CD38: variants seen among roughly 807,000 people sequenced by gnomAD.
The protein encoded by CD38 is CD38 molecule.
Under a neutral mutation model 36.3 loss-of-function variants are expected in CD38, and 31 were observed. That is an observed-to-expected ratio of 0.85 (90% CI 0.64 to 1.15). CD38 has a LOEUF of 1.15. CD38 is among the 50% of genes most tolerant of loss of function. CD38 has a pLI of 0.00. For synonymous variants in CD38, 131 were observed against 135.2 expected, an observed-to-expected ratio of 0.97 and a Z score of 0.22; for missense variants, 380 against 371.9, an observed-to-expected ratio of 1.02 and a Z score of -0.18.
chr4:15,812,705 A>G (rs1357874401), intron 1 of CD38, among the ~76,000 whole-genome samples: 1 of 152,170 alleles, frequency 6.6e-6, no homozygotes, highest in Non-Finnish European at 1.5e-5. Context: ...GTCTCAAAAA[A>G]ACAAAAACAA....
At chr4:15,791,350 G>A (rs1238798128) in intron 1 of CD38, among the ~76,000 whole-genome samples, 1 of 55,948 alleles carries the variant, frequency 1.8e-5, no homozygotes, top group Non-Finnish European at 3.2e-5. Flanking sequence ...GGAGGGAGGT[G>A]GTGGGGGTCA....
At chr4:15,835,897 G>A (rs1344622720) in intron 4 of CD38, among the ~76,000 whole-genome samples, 1 of 151,996 alleles carries the variant, frequency 6.6e-6, no homozygotes. Context: ...AGCTACCTGT[G>A]TATATTTATT....
chr4:15,834,070 T>G (rs1724013416), intron 3 of CD38, 147 bp from the exon 4 acceptor site: 1 of 595,592 alleles, frequency 1.7e-6, no homozygotes, highest in East Asian at 2.8e-5. Context: ...TTAGTTAAAT[T>G]GGGTCAAAAT....
chr4:15,842,204 T>C (rs1343464668), intron 7 of CD38, among the ~76,000 whole-genome samples: 3 of 111,764 alleles, frequency 2.7e-5, no homozygotes, highest in African/African-American at 4.3e-5. Flanking sequence ...AGCACGCAGC[T>C]GGAGATCTGA....
chr4:15,803,063 A>G (rs1397708930), intron 1 of CD38, among the ~76,000 whole-genome samples: 1 of 152,192 alleles, frequency 6.6e-6, no homozygotes, highest in Admixed American at 6.5e-5. Context: ...CTTTTTCAAT[A>G]AATATTGCTG....
Position 15,848,805 on chromosome 4 carries a change from C to T in CD38, c.*203C>T, listed in dbSNP as rs1460945766. 2.4e-6 allele frequency: 1 copy of T among 415,296 alleles called. No homozygotes were observed. The highest frequency in any genetic ancestry group is 4.3e-6 in the Non-Finnish European group (1 of 232,256). 25.7% of individuals were successfully genotyped at this position (415,296 alleles called of 1,614,324 possible). A position where few individuals can be genotyped will look rare whatever the true frequency, so the allele number is the denominator to read the frequency against. On this transcript the variant is annotated 3_prime_UTR_variant, in exon 8 of 8. Transcript: ENST00000226279. ...ACCTTTATTGTGATCTATCAATAGT[C>T]AAGAAAAATTATTGTATAAGATTAG...
chr4:15,851,212 C>T lies in CD38; in HGVS notation c.*2610C>T, dbSNP rs1212053051. The T allele has an allele frequency of 6.6e-6, 1 of 152,242 alleles. No individual in the cohort carries two copies. The highest frequency in any genetic ancestry group is 6.5e-5 in the Admixed American group (1 of 15,278). The allele number at this position is 152,242 out of a possible 1,614,324, so 9.4% of individuals were successfully genotyped here. A position where few individuals can be genotyped will look rare whatever the true frequency, so the allele number is the denominator to read the frequency against. On this transcript the variant is annotated 3_prime_UTR_variant, in exon 8 of 8. Transcript: ENST00000226279. Reference sequence around the variant, plus strand: ...CATTACCACAATGCCTCATCTCTACCTCCTTTCCCCCTGTAGTTCCAACGT... The same window carrying T: ...CATTACCACAATGCCTCATCTCTACTTCCTTTCCCCCTGTAGTTCCAACGT...
In CD38 at chr4:15,809,004, T is replaced by G. The variant is rs78744308; in HGVS notation, c.234-7507T>G. The stretch of plus-strand genomic sequence containing the variant: ...AAGATGCAAATTCTGGCTGGGATAT[T>G]CTAGTTGTGGAGTGTTGGGCAAGTT... On this transcript the variant is annotated intron_variant, in intron 1 of 7. Transcript: ENST00000226279. Among the ~76,000 whole-genome samples, 684 of 152,244 alleles carry G rather than the reference T, an allele frequency of 4.5e-3. 7 individuals are homozygous for G. Among genetic ancestry groups the G allele is most frequent in the African/African-American group, 0.016 (654 of 41,534 alleles).
chr4:15,826,459 GCACACA>G (rs67475051), intron 3 of CD38, among the ~76,000 whole-genome samples: 3,234 of 146,384 alleles, frequency 0.022, 53 homozygotes, highest in African/African-American at 0.045. Flanking sequence ...ACTTTTGTGC[GCACACA>G]CACACACACA....
chr4:15,788,675 A>G (rs1432524992), intron 1 of CD38, among the ~76,000 whole-genome samples: 2 of 152,224 alleles, frequency 1.3e-5, no homozygotes, highest in Non-Finnish European at 2.9e-5. Flanking sequence ...CGAATAGTGA[A>G]TAGGCAAGAG....
Position 15,848,637 on chromosome 4 carries a change from C to G in CD38, c.*35C>G, listed in dbSNP as rs1173950402. 2 of 1,571,434 alleles carry G rather than the reference C, an allele frequency of 1.3e-6. No homozygotes were observed. ...TGTGGTTGTTTTAGCTCCTTGACTC[C>G]TTGTGGTTTATGTCATCATACATGA... On this transcript the variant is annotated 3_prime_UTR_variant, in exon 8 of 8. Coordinates refer to ENST00000226279, the MANE Select transcript of CD38 (RefSeq NM_001775.4).
intron 1 of CD38, among the ~76,000 whole-genome samples, chr4:15,797,716 C>G (rs1228693653): frequency 6.6e-6 from 1 of 152,178 alleles, no homozygotes. Context: ...TTCCAAGCTT[C>G]TAGTAACCTC....
chr4:15,827,722 T>C (rs1391687094), intron 3 of CD38, among the ~76,000 whole-genome samples: 3 of 152,224 alleles, frequency 2.0e-5, no homozygotes, highest in East Asian at 1.9e-4. Context: ...AATGAAATAA[T>C]TTATTTTTAA....
In CD38 at chr4:15,848,404, G is replaced by A; in HGVS notation, c.840-135G>A. On this transcript the variant is annotated intron_variant, in intron 7 of 7. Coordinates refer to ENST00000226279, the MANE Select transcript of CD38 (RefSeq NM_001775.4). ...GCTCCCCTCCCGACATGTCACTGCA[G>A]GAGAGGAGTTTATATGGATGCTAAG... The A allele has an allele frequency of 6.9e-6, 4 of 575,820 alleles. No individual in the cohort carries two copies. In the South Asian group the frequency reaches 7.1e-5, roughly 10 times the overall value. The allele number at this position is 575,820 out of a possible 1,614,324, so 35.7% of individuals were successfully genotyped here. A position where few individuals can be genotyped will look rare whatever the true frequency, so the allele number is the denominator to read the frequency against.
At chr4:15,780,039 G>A (rs957762462) in intron 1 of CD38, among the ~76,000 whole-genome samples, 2 of 152,172 alleles carry the variant, frequency 1.3e-5, no homozygotes, top group African/African-American at 4.8e-5. Flanking sequence ...AGTGAATGAC[G>A]AAGTTCTCAC....
chr4:15,820,613 G>T lies in CD38; in HGVS notation c.363+3973G>T, dbSNP rs567136159. ...AAGAAGGGTATTACATAAGGATAAA[G>T]GGGTAAATTCAACAAGAAGAGCAAA... On this transcript the variant is annotated intron_variant, in intron 2 of 7. Transcript: ENST00000226279. Among the ~76,000 whole-genome samples, 4 of 152,172 alleles carry T rather than the reference G, an allele frequency of 2.6e-5. No homozygotes were observed. The South Asian group carries it at 8.3e-4, about 32-fold the overall frequency.
intron 4 of CD38, among the ~76,000 whole-genome samples, chr4:15,837,696 T>A (rs1724099269): frequency 6.6e-6 from 1 of 152,182 alleles, no homozygotes; most frequent in African/African-American, 2.4e-5. Context: ...GGTGTTCCCA[T>A]TTCCCTCATC....
intron 5 of CD38, among the ~76,000 whole-genome samples, chr4:15,839,510 G>A (rs1314133476): frequency 7.1e-6 from 1 of 139,976 alleles, no homozygotes; most frequent in Non-Finnish European, 1.5e-5. Flanking sequence ...TGCAAGCTCA[G>A]CCTCCCAGGT....
intron 4 of CD38, among the ~76,000 whole-genome samples, chr4:15,835,173 A>T (rs1024812435): frequency 2.6e-5 from 4 of 151,550 alleles, no homozygotes; most frequent in African/African-American, 9.7e-5. Context: ...ATCTCTACCT[A>T]TCTCCTCCTC....
Sources: allele counts gnomAD v4.1 joint callset (sites outside exome capture counted in the v4.1 genomes callset), GRCh38; gene constraint gnomAD v4.1.1; transcripts MANE v1.5; gene names NCBI Gene and HGNC (gene_info 2026-07-23, HGNC 2026-07-21).